Variants in KLRG1 observed in about 807,000 individuals in gnomAD.
KLRG1 encodes the protein killer cell lectin-like receptor subfamily G member 1.
KLRG1 carries 16 observed loss-of-function variants against 21.8 expected under a neutral mutation model. That is an observed-to-expected ratio of 0.73 (90% CI 0.50 to 1.11). The LOEUF is 1.11. Among genes scored for constraint, KLRG1 ranks in the 50% most tolerant of loss-of-function variants. KLRG1 has a pLI of 0.00. For synonymous variants in KLRG1, 69 were observed against 75.9 expected (o/e 0.91, Z 0.47); for missense variants, 173 against 218.3 (o/e 0.79, Z 1.31).
At chr12:9,078,505 G>A in the KLRG1 span, among the ~76,000 whole-genome samples, 2 of 152,172 alleles carry the variant, frequency 1.3e-5, no homozygotes, top group African/African-American at 4.8e-5. Context: ...AAACATACAT[G>A]TGCATGTGTC....
the KLRG1 span, chr12:9,080,238 G>A: frequency 1.7e-6 from 2 of 1,180,858 alleles, no homozygotes; most frequent in East Asian, 2.6e-5. Context: ...TTTCTAAACA[G>A]CTCTATGACC....
chr12:9,069,698 G>A, the KLRG1 span: 9 of 1,476,896 alleles, frequency 6.1e-6, no homozygotes, highest in Admixed American at 1.7e-5. Flanking sequence ...TTCCCTTAGA[G>A]GATTATTATC....
the KLRG1 span, chr12:9,202,693 C>G: frequency 6.2e-7 from 1 of 1,612,024 alleles, no homozygotes; most frequent in South Asian, 1.1e-5. Flanking sequence ...AGCTAAAAAG[C>G]AAAGGATTTT....
the KLRG1 span, chr12:9,067,766 C>T: frequency 6.4e-7 from 1 of 1,563,888 alleles, no homozygotes; most frequent in South Asian, 1.1e-5. Flanking sequence ...AAACACGTGT[C>T]TTCTGTGGAG....
At chr12:9,139,076 T>A in the KLRG1 span, among the ~76,000 whole-genome samples, 1 of 152,130 alleles carries the variant, frequency 6.6e-6, no homozygotes, top group East Asian at 1.9e-4. Context: ...ACAGTAAACC[T>A]CCTTCTTAAT....
chr12:9,192,463 T>G, the KLRG1 span: 1 of 1,545,128 alleles, frequency 6.5e-7, no homozygotes, highest in Non-Finnish European at 8.9e-7. Context: ...TATTGACCAC[T>G]TTTGTCCTAC....
chr12:8,997,526 A>G (rs771348853), intron 3 of KLRG1, among the ~76,000 whole-genome samples: 1 of 152,340 alleles, frequency 6.6e-6, no homozygotes, highest in South Asian at 2.1e-4. Context: ...AGAGAGCTCT[A>G]TGGATCTATT....
chr12:9,125,980 A>C, the KLRG1 span, among the ~76,000 whole-genome samples: 1 of 152,056 alleles, frequency 6.6e-6, no homozygotes, highest in Admixed American at 6.5e-5. Context: ...TGATCCACCC[A>C]CCTCGGCCTC....
intron 1 of KLRG1, among the ~76,000 whole-genome samples, chr12:8,979,127 G>T (rs780120935): frequency 6.6e-6 from 1 of 150,720 alleles, no homozygotes; most frequent in African/African-American, 2.4e-5. Context: ...CAATTCTCCT[G>T]CCTCAGCCTC....
At chr12:9,091,866 C>T in the KLRG1 span, among the ~76,000 whole-genome samples, 3 of 152,096 alleles carry the variant, frequency 2.0e-5, no homozygotes, top group Admixed American at 6.5e-5. Flanking sequence ...GTCCTTATGC[C>T]CATTTTCTGG....
the KLRG1 span, chr12:9,166,239 ATT>A: frequency 6.3e-7 from 1 of 1,599,406 alleles, no homozygotes; most frequent in Non-Finnish European, 8.5e-7. Flanking sequence ...AGGGAAAAAC[ATT>A]CATTAATTTC....
At chr12:8,966,898 C>T (rs1440575624) in intron 1 of KLRG1, among the ~76,000 whole-genome samples, 6 of 149,300 alleles carry the variant, frequency 4.0e-5, no homozygotes, top group East Asian at 2.0e-4. Flanking sequence ...ATGTTTATTG[C>T]GGCATTATTC....
At chr12:9,169,017 G>A in the KLRG1 span, 30 of 1,395,366 alleles carry the variant, frequency 2.1e-5, no homozygotes, top group Non-Finnish European at 3.1e-5. Context: ...AGCTTGATTA[G>A]AATATATAAA....
chr12:9,179,854 T>A, the KLRG1 span, among the ~76,000 whole-genome samples: 1 of 152,256 alleles, frequency 6.6e-6, no homozygotes, highest in Non-Finnish European at 1.5e-5. Flanking sequence ...AAGATTTGAT[T>A]CTTTACAGAA....
chr12:9,091,448 G>GAAGAACAGA, the KLRG1 span: 1 of 1,612,904 alleles, frequency 6.2e-7, no homozygotes. Flanking sequence ...GAGTGTAAGT[G>GAAGAACAGA]AAGAACAGAA....
chr12:9,053,936 C>G, the KLRG1 span, among the ~76,000 whole-genome samples: 3 of 152,188 alleles, frequency 2.0e-5, no homozygotes, highest in Non-Finnish European at 4.4e-5. Flanking sequence ...CTTACCCCAG[C>G]CAATCAATGG....
the KLRG1 span, chr12:9,074,743 T>C: frequency 1.9e-6 from 3 of 1,613,808 alleles, no homozygotes; most frequent in Non-Finnish European, 2.5e-6. Flanking sequence ...GCCCCACTGG[T>C]GCCTTGGGTT....
the KLRG1 span, chr12:9,112,593 A>C: frequency 6.3e-7 from 1 of 1,592,666 alleles, no homozygotes; most frequent in Non-Finnish European, 8.6e-7. Flanking sequence ...CTCCTCCCCT[A>C]TTTGCTGTTG....
At chr12:9,142,790 A>G in the KLRG1 span, among the ~76,000 whole-genome samples, 1 of 152,234 alleles carries the variant, frequency 6.6e-6, no homozygotes, top group Non-Finnish European at 1.5e-5. Flanking sequence ...CTGAGAGACA[A>G]AGACAGATTT....
Sources: allele counts gnomAD v4.1 joint callset (sites outside exome capture counted in the v4.1 genomes callset), GRCh38; gene constraint gnomAD v4.1.1; transcripts MANE v1.5; gene names NCBI Gene and HGNC (gene_info 2026-07-23, HGNC 2026-07-21).